Variants in ASB3 observed in about 807,000 individuals in gnomAD.
ASB3 encodes the protein ankyrin repeat and SOCS box containing 3, also known as ankyrin repeat and SOCS box protein 3.
ASB3 carries 41 observed loss-of-function variants against 54.5 expected under a neutral mutation model. That is an observed-to-expected ratio of 0.75 (90% CI 0.59 to 0.98). The LOEUF (loss-of-function observed/expected upper bound fraction) is 0.98. Ranked by LOEUF, ASB3 falls within the 50% of genes least tolerant of loss-of-function variation. The pLI is 0.00. For missense variants in ASB3, 733 were observed against 620.0 expected (o/e 1.18, Z -1.94); for synonymous variants, 266 against 221.2 (o/e 1.20, Z -1.80).
chr2:53,720,639 G>A (rs1490985532), intron 5 of ASB3, among the ~76,000 whole-genome samples: 1 of 152,172 alleles, frequency 6.6e-6, no homozygotes, highest in Non-Finnish European at 1.5e-5. Context: ...AATGTTGGGA[G>A]ATGTCAAATC....
chr2:53,772,933 G>A (rs2104162229), intron 1 of ASB3, among the ~76,000 whole-genome samples: 1 of 152,022 alleles, frequency 6.6e-6, no homozygotes, highest in South Asian at 2.1e-4. Flanking sequence ...GCACCAGAAA[G>A]TTTTATTTAA....
chr2:53,709,102 C>T (rs1422326502), intron 7 of ASB3, among the ~76,000 whole-genome samples: 4 of 152,198 alleles, frequency 2.6e-5, no homozygotes, highest in African/African-American at 9.7e-5. Flanking sequence ...AAAGGCATTT[C>T]AGAGACCTTC....
intron 3 of ASB3, among the ~76,000 whole-genome samples, chr2:53,742,310 T>A (rs1047504121): frequency 6.6e-6 from 1 of 152,138 alleles, no homozygotes; most frequent in Non-Finnish European, 1.5e-5. Context: ...ATAAACCTCC[T>A]GAAAGCAGCT....
Position 53,707,844 on chromosome 2 carries a change from C to A in ASB3, c.980+6540G>T, listed in dbSNP as rs536523634. ...GGGTATGGTGTCACATACCTGTAATCCCAGCTATTCAGGAGGCTGACGCAC... is the reference window on the plus strand; with the variant it reads ...GGGTATGGTGTCACATACCTGTAATACCAGCTATTCAGGAGGCTGACGCAC... On this transcript the variant is annotated intron_variant, in intron 7 of 9. Coordinates refer to ENST00000263634, the MANE Select transcript of ASB3 (RefSeq NM_016115.5). Among the ~76,000 whole-genome samples the A allele has an allele frequency of 1.4e-3, 219 of 151,602 alleles. 1 individual carries two copies. Among genetic ancestry groups the A allele is most frequent in the Non-Finnish European group, 2.8e-3 (189 of 67,854 alleles).
rs150428994 is a variant in ASB3 at position 53,689,033 on chromosome 2, A to T, written c.1369+4851T>A. On this transcript the variant is annotated intron_variant, in intron 9 of 9. Coordinates refer to ENST00000263634, the MANE Select transcript of ASB3 (RefSeq NM_016115.5). ...AAATAAATTGATCTAAATTTTTTTTAAAATTTTAGCCAGTAAATTTTAAAT... is the reference window on the plus strand; with the variant it reads ...AAATAAATTGATCTAAATTTTTTTTTAAATTTTAGCCAGTAAATTTTAAAT... Among the ~76,000 whole-genome samples the T allele has an allele frequency of 4.9e-3, 748 of 152,264 alleles. 10 individuals carry two copies. The highest frequency in any genetic ancestry group is 0.016 in the African/African-American group (675 of 41,552).
intron 2 of ASB3, among the ~76,000 whole-genome samples, chr2:53,757,249 C>G (rs1354295761): frequency 6.6e-6 from 1 of 152,226 alleles, no homozygotes; most frequent in Non-Finnish European, 1.5e-5. Context: ...AGACTTAAGA[C>G]TCAGGTGTGA....
At chr2:53,740,798 T>G (rs1030102418) in intron 3 of ASB3, among the ~76,000 whole-genome samples, 1 of 152,308 alleles carries the variant, frequency 6.6e-6, no homozygotes, top group East Asian at 1.9e-4. Flanking sequence ...CAATTAGACA[T>G]CAGAGACCAT....
chr2:53,770,059 C>T (rs1673786549), intron 1 of ASB3, among the ~76,000 whole-genome samples: 1 of 152,192 alleles, frequency 6.6e-6, no homozygotes, highest in South Asian at 2.1e-4. Flanking sequence ...TTCTAATTCA[C>T]TTTGAAATTG....
intron 1 of ASB3, among the ~76,000 whole-genome samples, chr2:53,773,943 G>A (rs986016221): frequency 1.3e-5 from 2 of 152,076 alleles, no homozygotes; most frequent in African/African-American, 4.8e-5. Flanking sequence ...GCTGAGGCAG[G>A]AGAATAGCTT....
rs1279460506 is a variant in ASB3 at position 53,716,569 on chromosome 2, G to C, written c.779C>G (p.Thr260Arg). ...ATTTTCTGTTTTTAACACTTACTTT[G>C]TATGGCCCATTTGTGCAGCTGCATG... ...PIHAAAQMGH[T>R]KILDLLIPLT... The change falls in exon 6 of 10, where the codon ACA becomes AGA. Residue 260 changes from threonine to arginine, a missense_variant. Thr to Arg is a moderately conservative substitution (Grantham distance 71). Coordinates refer to ENST00000263634, the MANE Select transcript of ASB3 (RefSeq NM_016115.5). The C allele has an allele frequency of 6.2e-7, 1 of 1,611,250 alleles. No individual in the cohort carries two copies. The highest frequency in any genetic ancestry group is 1.7e-5 in the Admixed American group (1 of 59,412).
At chr2:53,678,920 C>T (rs559369897) in intron 9 of ASB3, among the ~76,000 whole-genome samples, 129 of 152,322 alleles carry the variant, frequency 8.5e-4, no homozygotes, top group African/African-American at 2.7e-3. Flanking sequence ...TTCAGATCCA[C>T]GCTTCTGTCT....
intron 2 of ASB3, among the ~76,000 whole-genome samples, chr2:53,760,293 A>C (rs1415326053): frequency 6.6e-6 from 1 of 152,226 alleles, no homozygotes; most frequent in African/African-American, 2.4e-5. Context: ...TTCCGAGGGA[A>C]TACCTATCAA....
At chr2:53,777,359 G>A (rs143176878) in intron 1 of ASB3, among the ~76,000 whole-genome samples, 37 of 152,264 alleles carry the variant, frequency 2.4e-4, no homozygotes, top group African/African-American at 8.7e-4. Flanking sequence ...CTTCTCTGGT[G>A]CATCAGACAC....
At chr2:53,679,160 C>T (rs1668234694) in intron 9 of ASB3, among the ~76,000 whole-genome samples, 1 of 152,140 alleles carries the variant, frequency 6.6e-6, no homozygotes, top group Non-Finnish European at 1.5e-5. Flanking sequence ...TACCCAGGAT[C>T]AATCTAACCA....
chr2:53,768,430 T>A (rs1319026231), intron 1 of ASB3, among the ~76,000 whole-genome samples: 1 of 152,250 alleles, frequency 6.6e-6, no homozygotes, highest in Non-Finnish European at 1.5e-5. Flanking sequence ...TTTTTAGCAA[T>A]TAAATTTGTT....
chr2:53,785,856 C>G (rs902874909), intron 1 of ASB3, among the ~76,000 whole-genome samples: 1 of 152,168 alleles, frequency 6.6e-6, no homozygotes, highest in Non-Finnish European at 1.5e-5. Flanking sequence ...CAAACAACAA[C>G]AACAAAAATC....
At chr2:53,759,901 C>G (rs1673048863) in intron 2 of ASB3, among the ~76,000 whole-genome samples, 1 of 152,052 alleles carries the variant, frequency 6.6e-6, no homozygotes, top group African/African-American at 2.4e-5. Context: ...CTCACAGAGC[C>G]CCGGGTATGC....
At chr2:53,686,291 C>T (rs1668627292) in intron 9 of ASB3, among the ~76,000 whole-genome samples, 2 of 152,148 alleles carry the variant, frequency 1.3e-5, no homozygotes, top group African/African-American at 4.8e-5. Context: ...AAAGACAAAT[C>T]ATAGAGAAAA....
intron 3 of ASB3, among the ~76,000 whole-genome samples, chr2:53,741,375 T>C (rs1051800127): frequency 1.3e-5 from 2 of 152,202 alleles, no homozygotes; most frequent in Non-Finnish European, 2.9e-5. Context: ...AATGTGCAAA[T>C]TGTTATCAGT....
Sources: gnomAD v4.1 joint callset for allele counts (sites outside exome capture counted in the v4.1 genomes callset) on GRCh38, gnomAD v4.1.1 for gene constraint, MANE v1.5 for transcripts, NCBI Gene and HGNC (gene_info 2026-07-23, HGNC 2026-07-21) for gene names.